The following GLS variants were observed in gnomAD, a reference collection of about 807,000 sequenced individuals.
GLS encodes glutaminase kidney isoform, mitochondrial.
In GLS, 36 loss-of-function variants were observed where a neutral mutation model predicts 86.7. The observed-to-expected ratio is 0.42, with a 90% CI of 0.32 to 0.55. The LOEUF is 0.55. Ranked by LOEUF, GLS falls within the 20% of genes least tolerant of loss-of-function variation. The probability of loss-of-function intolerance (pLI) is 0.17; values close to 1 mark genes in which losing one functional copy is unlikely to be tolerated. For synonymous variants in GLS, 317 were observed against 305.9 expected (o/e 1.04, Z -0.38); for missense variants, 528 against 833.4 (o/e 0.63, Z 4.51).
rs765999936 is a variant in GLS at position 190,962,034 on chromosome 2, G to A, written c.1854-796G>A. 1.3e-5 allele frequency among the ~76,000 whole-genome samples: 2 copies of A among 152,158 alleles called. No individual in the cohort carries two copies. The highest frequency in any genetic ancestry group is 2.9e-5 in the Non-Finnish European group (2 of 68,020). ...GTAAAGTGTAAGGGAACTACCCATC[G>A]TACCCTGTCATTGACTAGGGCTGTG... On this transcript the variant is annotated intron_variant, in intron 17 of 17. Coordinates refer to ENST00000320717, the MANE Select transcript of GLS (RefSeq NM_014905.5). The surrounding 1 kb of genome is among the most constrained non-coding windows in gnomAD (Gnocchi z 4.2).
At chr2:190,902,588 G>A (rs1190564479) in intron 5 of GLS, among the ~76,000 whole-genome samples, 1 of 152,096 alleles carries the variant, frequency 6.6e-6, no homozygotes, top group East Asian at 1.9e-4. Flanking sequence ...ATTATAAAAA[G>A]GATAGTGATG....
At chr2:190,933,605 A>G (rs893042222) in intron 14 of GLS, 3 of 948,932 alleles carry the variant, frequency 3.2e-6, no homozygotes, top group Non-Finnish European at 1.3e-6. Flanking sequence ...CATCAATAAA[A>G]AGCTATAATG....
At position 190,926,862 on chromosome 2, in the gene GLS, T is replaced by A. The variant is rs116569936; in HGVS notation, c.1249-444T>A. On this transcript the variant is annotated intron_variant, in intron 11 of 17. Transcript: ENST00000320717. ...GTGAAATGTCAGGCACTGTAGCATT[T>A]TTTTCTAAAATGGTGATTTCTCATG... is the stretch of plus-strand genomic sequence containing the variant. 9.4e-3 allele frequency: 1,443 copies of A among 153,328 alleles called. 21 individuals are homozygous for A. Among genetic ancestry groups the A allele is most frequent in the African/African-American group, 0.033 (1,357 of 41,552 alleles). 9.5% of individuals were successfully genotyped at this position (153,328 alleles called of 1,614,324 possible).
chr2:190,922,495 A>C (rs1222686528), intron 9 of GLS, among the ~76,000 whole-genome samples: 2 of 152,162 alleles, frequency 1.3e-5, no homozygotes, highest in East Asian at 3.9e-4. Context: ...ATATTTTATC[A>C]AACTTATTAC....
chr2:190,901,700 G>A (rs1009170456), intron 4 of GLS, among the ~76,000 whole-genome samples: 1 of 151,094 alleles, frequency 6.6e-6, no homozygotes, highest in African/African-American at 2.4e-5. Flanking sequence ...GAGAAAGAAA[G>A]AATGCATTGG....
In GLS at chr2:190,965,216, A is replaced by G. The variant is rs1296698533; in HGVS notation, c.*2230A>G. On this transcript the variant is annotated 3_prime_UTR_variant, in exon 18 of 18. Coordinates refer to ENST00000320717, the MANE Select transcript of GLS (RefSeq NM_014905.5). This position sits in a 1 kb window ranked among gnomAD's most constrained non-coding sequence, Gnocchi z 5.0. ...GCTCTATATGATCATGTTAATTTAA[A>G]GCTTTATACACATTGTTGTTTTTGC... is the stretch of plus-strand genomic sequence containing the variant. 6.6e-6 allele frequency: 1 copy of G among 152,546 alleles called. No homozygotes were observed. Among genetic ancestry groups the G allele is most frequent in the Non-Finnish European group, 1.5e-5 (1 of 68,034 alleles). The allele number at this position is 152,546 out of a possible 1,614,324, so 9.4% of individuals were successfully genotyped here.
Position 190,962,228 on chromosome 2 carries a change from G to C in GLS, c.1854-602G>C, listed in dbSNP as rs1691021014. Reference sequence around the variant, plus strand: ...GGGAGTTATTAGTATGGAAAGGGGAGTTACTCTTCTGGTGTAGTGGTCCGA... The same window carrying C: ...GGGAGTTATTAGTATGGAAAGGGGACTTACTCTTCTGGTGTAGTGGTCCGA... On this transcript the variant is annotated intron_variant, in intron 17 of 17. Coordinates refer to ENST00000320717, the MANE Select transcript of GLS (RefSeq NM_014905.5). This position sits in a 1 kb window ranked among gnomAD's most constrained non-coding sequence, Gnocchi z 4.2. Among the ~76,000 whole-genome samples the C allele has an allele frequency of 6.6e-6, 1 of 152,192 alleles. No individual in the cohort carries two copies. The highest frequency in any genetic ancestry group is 1.5e-5 in the Non-Finnish European group (1 of 68,032).
intron 12 of GLS, among the ~76,000 whole-genome samples, chr2:190,929,490 G>A (rs1690029204): frequency 2.0e-5 from 3 of 147,996 alleles, no homozygotes; most frequent in Non-Finnish European, 3.0e-5. Context: ...TTTTTTTTGA[G>A]ATGGAGTCTT....
At chr2:190,932,928 G>A in intron 14 of GLS, 1 of 1,353,096 alleles carries the variant, frequency 7.4e-7, no homozygotes, top group Non-Finnish European at 9.6e-7. Flanking sequence ...GCTTTTTTTT[G>A]CAAGTTATAA....
chr2:190,926,261 T>G (rs2124906304), intron 11 of GLS, among the ~76,000 whole-genome samples: 1 of 152,356 alleles, frequency 6.6e-6, no homozygotes, highest in East Asian at 1.9e-4. Flanking sequence ...CTTGCATGAT[T>G]AAGTCGACCT....
Position 190,913,469 on chromosome 2 carries a change from A to G in GLS, c.1038+3148A>G. The G allele has an allele frequency of 1.0e-6, 1 of 955,594 alleles. No homozygotes were observed. The highest frequency in any genetic ancestry group is 1.3e-6 in the Non-Finnish European group (1 of 784,892). The allele number at this position is 955,594 out of a possible 1,614,324, so 59.2% of individuals were successfully genotyped here. A position where few individuals can be genotyped will look rare whatever the true frequency, so the allele number is the denominator to read the frequency against. On this transcript the variant is annotated intron_variant, in intron 7 of 17. Transcript: ENST00000320717. The surrounding 1 kb of genome is among the most constrained non-coding windows in gnomAD (Gnocchi z 6.1). ...TCCTCTCTTTTTCTCTGTGGTAGCT[A>G]CTAACTTTAAAGGAATACTTTTTGT...
At position 190,943,703 on chromosome 2, in the gene GLS, A is replaced by C. The variant is rs763231417; in HGVS notation, c.1651-9862A>C. On this transcript the variant is annotated intron_variant, in intron 14 of 17. Coordinates refer to ENST00000320717, the MANE Select transcript of GLS (RefSeq NM_014905.5). The surrounding 1 kb of genome is among the most constrained non-coding windows in gnomAD (Gnocchi z 4.5). ...TTGGAGGAGCCTGCTATGTAATTTGAATAATAAAGTGGCTATGAAAGTGCT... is the reference window on the plus strand; with the variant it reads ...TTGGAGGAGCCTGCTATGTAATTTGCATAATAAAGTGGCTATGAAAGTGCT... Among the ~76,000 whole-genome samples, 10 of 152,148 alleles carry C rather than the reference A, an allele frequency of 6.6e-5. No individual in the cohort carries two copies. The highest frequency in any genetic ancestry group is 1.3e-4 in the Non-Finnish European group (9 of 68,014).
In GLS at chr2:190,954,891, A is replaced by G. The variant is rs1187482535; in HGVS notation, c.1853+73A>G. The stretch of plus-strand genomic sequence containing the variant: ...GGACTGTAATATTCAAGTGATGATA[A>G]TATTTCAACCTACTAAGACATTCTT... On this transcript the variant is annotated intron_variant, in intron 17 of 17. Transcript: ENST00000320717. This position sits in a 1 kb window ranked among gnomAD's most constrained non-coding sequence, Gnocchi z 4.0. 2 of 1,025,904 alleles carry G rather than the reference A, an allele frequency of 1.9e-6. No individual in the cohort carries two copies. The highest frequency in any genetic ancestry group is 2.9e-6 in the Non-Finnish European group (2 of 687,468). 63.6% of individuals were successfully genotyped at this position (1,025,904 alleles called of 1,614,324 possible). A position where few individuals can be genotyped will look rare whatever the true frequency, so the allele number is the denominator to read the frequency against.
At position 190,897,652 on chromosome 2, in the gene GLS, T is replaced by C. The variant is rs546749895; in HGVS notation, c.605+1927T>C. Among the ~76,000 whole-genome samples the C allele has an allele frequency of 8.3e-4, 126 of 152,330 alleles. No homozygotes were observed. Among genetic ancestry groups the C allele is most frequent in the Admixed American group, 2.1e-3 (32 of 15,298 alleles). On this transcript the variant is annotated intron_variant, in intron 3 of 17. Transcript: ENST00000320717. The surrounding 1 kb of genome is among the most constrained non-coding windows in gnomAD (Gnocchi z 4.3). Reference sequence around the variant, plus strand: ...GCTTTCAGTCACCTGGAAAGGTGATTGCTTCAGAGATGTTCTTTTCTCTGT... The same window carrying C: ...GCTTTCAGTCACCTGGAAAGGTGATCGCTTCAGAGATGTTCTTTTCTCTGT...
Position 190,905,411 on chromosome 2 carries a change from C to A in GLS, c.979+244C>A. 2.8e-6 allele frequency: 1 copy of A among 354,258 alleles called. No homozygotes were observed. 21.9% of individuals were successfully genotyped at this position (354,258 alleles called of 1,614,324 possible). A position where few individuals can be genotyped will look rare whatever the true frequency, so the allele number is the denominator to read the frequency against. ...CATAACCACCTTTAGGGAAATATAG[C>A]GAAATCTCAAAATACATGAGATTTG... On this transcript the variant is annotated intron_variant, in intron 6 of 17. Coordinates refer to ENST00000320717, the MANE Select transcript of GLS (RefSeq NM_014905.5). The surrounding 1 kb of genome is among the most constrained non-coding windows in gnomAD (Gnocchi z 4.6).
At position 190,935,494 on chromosome 2, in the gene GLS, C is replaced by T. The variant is rs1690245513; in HGVS notation, c.1650+3857C>T. ...TTTGATTTTTTAAAATGCAATATAG[C>T]ATTAGTGGTTTTTTTGGGAGGAGGA... On this transcript the variant is annotated intron_variant, in intron 14 of 17. Transcript: ENST00000320717. This position sits in a 1 kb window ranked among gnomAD's most constrained non-coding sequence, Gnocchi z 4.2. Among the ~76,000 whole-genome samples, 1 of 151,086 alleles carries T rather than the reference C, an allele frequency of 6.6e-6. No homozygotes were observed. The highest frequency in any genetic ancestry group is 1.5e-5 in the Non-Finnish European group (1 of 67,294).
At chr2:190,928,892 GTTTTTTT>G (rs367999647) in intron 12 of GLS, among the ~76,000 whole-genome samples, 1 of 12,822 alleles carries the variant, frequency 7.8e-5, no homozygotes, top group Non-Finnish European at 1.4e-4. Context: ...ATTCAGGTGT[GTTTTTTT>G]TTTTTTTTTT....
intron 1 of GLS, chr2:190,881,701 G>A (rs1384412693): frequency 6.4e-6 from 3 of 467,004 alleles, no homozygotes; most frequent in Non-Finnish European, 1.1e-5. Flanking sequence ...GCCCCCGGCG[G>A]GGGTCGCCCT....
At position 190,951,829 on chromosome 2, in the gene GLS, TA is replaced by T. The variant is rs1690727197; in HGVS notation, c.1651-1730del. Among the ~76,000 whole-genome samples, 2 of 152,088 alleles carry T rather than the reference TA, an allele frequency of 1.3e-5. No individual in the cohort carries two copies. Among genetic ancestry groups the T allele is most frequent in the South Asian group, 4.1e-4 (2 of 4,834 alleles). The stretch of plus-strand genomic sequence containing the variant: ...ATTGAGAATTCAGAGTTGACCCCAT[TA>T]AAAAAGAAAGACATTAAGGACACCT... On this transcript the variant is annotated intron_variant, in intron 14 of 17. Transcript: ENST00000320717. The surrounding 1 kb of genome is among the most constrained non-coding windows in gnomAD (Gnocchi z 4.2).
Sources: gnomAD v4.1 joint callset for allele counts (sites outside exome capture counted in the v4.1 genomes callset) on GRCh38, gnomAD v4.1.1 for gene constraint, Gnocchi (gnomAD v3.1) non-coding constraint, MANE v1.5 for transcripts, NCBI Gene and HGNC (gene_info 2026-07-23, HGNC 2026-07-21) for gene names.